The following TUT4 variants were observed in gnomAD, a reference collection of about 807,000 sequenced individuals.
TUT4 encodes terminal uridylyl transferase 4, also known as terminal uridylyltransferase 4.
Under a neutral mutation model 192.2 loss-of-function variants are expected in TUT4, and 36 were observed. That is an observed-to-expected ratio of 0.19 (90% CI 0.14 to 0.25). The LOEUF is 0.25. Among genes scored for constraint, TUT4 ranks in the 10% least tolerant of loss-of-function variants. TUT4 has a pLI of 1.00. For missense variants in TUT4, 1,493 were observed against 1,957.2 expected, an observed-to-expected ratio of 0.76 and a Z score of 4.47; for synonymous variants, 618 against 666.0, an observed-to-expected ratio of 0.93 and a Z score of 1.11.
intron 13 of TUT4, 66 bp downstream of exon 13, chr1:52,474,766 T>C (rs972712862): frequency 1.5e-6 from 2 of 1,348,326 alleles, no homozygotes; most frequent in East Asian, 4.8e-5. Flanking sequence ...ATTTCTAATC[T>C]AAAAAATATA....
intron 15 of TUT4, among the ~76,000 whole-genome samples, chr1:52,465,957 TAC>T (rs979587900): frequency 2.0e-5 from 3 of 152,066 alleles, no homozygotes; most frequent in African/African-American, 4.8e-5. Flanking sequence ...CATTATACAC[TAC>T]AGTCTTGAAC....
At chr1:52,545,873 GC>G (rs1370878128) in intron 1 of TUT4, among the ~76,000 whole-genome samples, 7 of 151,018 alleles carry the variant, frequency 4.6e-5, no homozygotes, top group Non-Finnish European at 1.0e-4. Context: ...TGTAATCCCA[GC>G]AGTTTGGGAG....
intron 1 of TUT4, among the ~76,000 whole-genome samples, chr1:52,541,081 CT>C (rs113652004): frequency 6.6e-6 from 1 of 152,038 alleles, no homozygotes; most frequent in African/African-American, 2.4e-5. Flanking sequence ...TGGTGTACAC[CT>C]GTAATCTCAA....
At position 52,461,816 on chromosome 1, in the gene TUT4, G is replaced by A. The variant is rs1332970683; in HGVS notation, c.3070-47C>T. ...TAAGTTTGACTCAATTTCACCTTGT[G>A]CAAATTCTACTTTAATCTAAGCATT... is the stretch of plus-strand genomic sequence containing the variant. On this transcript the variant is annotated intron_variant, in intron 16 of 29. Transcript: ENST00000257177. The A allele has an allele frequency of 1.5e-5, 17 of 1,100,834 alleles. No individual in the cohort carries two copies. The East Asian group carries it at 4.2e-4, about 27-fold the overall frequency. The allele number at this position is 1,100,834 out of a possible 1,614,324, so 68.2% of individuals were successfully genotyped here.
At chr1:52,457,426 G>C (rs1402006634) in intron 20 of TUT4, among the ~76,000 whole-genome samples, 2 of 151,532 alleles carry the variant, frequency 1.3e-5, no homozygotes, top group Admixed American at 6.6e-5. Context: ...AGTAGAGACG[G>C]GGTTTCACCA....
At chr1:52,482,116 A>G (rs546476085) in intron 9 of TUT4, among the ~76,000 whole-genome samples, 193 bp from the exon 10 acceptor site, 3 of 152,274 alleles carry the variant, frequency 2.0e-5, no homozygotes, top group African/African-American at 4.8e-5. Context: ...ATTCTTTTTA[A>G]AATTCATACA....
chr1:52,521,904 G>A (rs546078695), intron 2 of TUT4, among the ~76,000 whole-genome samples: 1 of 151,802 alleles, frequency 6.6e-6, no homozygotes, highest in East Asian at 1.9e-4. Flanking sequence ...GGTGGAGGTT[G>A]CAGTGAGCCA....
At chr1:52,428,201 T>C (rs1650628557) in intron 28 of TUT4, among the ~76,000 whole-genome samples, 1 of 152,194 alleles carries the variant, frequency 6.6e-6, no homozygotes, top group Non-Finnish European at 1.5e-5. Flanking sequence ...AGGAATACTT[T>C]TTTAGGCTGG....
At chr1:52,506,648 G>A (rs2149273461) in intron 4 of TUT4, among the ~76,000 whole-genome samples, 1 of 152,098 alleles carries the variant, frequency 6.6e-6, no homozygotes, top group South Asian at 2.1e-4. Flanking sequence ...GTTTCTAATA[G>A]TCCTGTTCAT....
chr1:52,474,817 C>T lies in TUT4; in HGVS notation c.2727+15G>A, dbSNP rs761058789. 8.4e-6 allele frequency: 13 copies of T among 1,556,802 alleles called. No individual in the cohort carries two copies. In the East Asian group the frequency reaches 2.7e-4, roughly 32 times the overall value. On this transcript the variant is annotated intron_variant, in intron 13 of 29. Coordinates refer to ENST00000257177, the MANE Select transcript of TUT4 (RefSeq NM_001009881.3). Reference sequence around the variant, plus strand: ...ACCACAAAATCTTACAGATCATTTACAAACTGTATCCTACCTTGCCAGAGG... The same window carrying T: ...ACCACAAAATCTTACAGATCATTTATAAACTGTATCCTACCTTGCCAGAGG...
chr1:52,490,867 T>A, intron 7 of TUT4, 66 bp from the exon 8 acceptor site: 2 of 1,256,602 alleles, frequency 1.6e-6, no homozygotes, highest in Non-Finnish European at 2.2e-6. Context: ...ACAGTAAACA[T>A]TAAGTAACAG....
chr1:52,530,880 G>GT (rs1683194922), intron 1 of TUT4, among the ~76,000 whole-genome samples: 1 of 152,164 alleles, frequency 6.6e-6, no homozygotes, highest in African/African-American at 2.4e-5. Context: ...GTATGCGCCT[G>GT]TAGTTTCAGC....
intron 1 of TUT4, among the ~76,000 whole-genome samples, chr1:52,527,153 G>A (rs924818544): frequency 1.1e-4 from 16 of 152,244 alleles, no homozygotes; most frequent in South Asian, 2.1e-4. Context: ...AGCCTACCTC[G>A]AACTTACCTC....
chr1:52,446,612 A>C lies in TUT4; in HGVS notation c.3491T>G (p.Phe1164Cys). ...QRMVDGWNAF[F>C]FDKTEELKKR... Reference sequence around the variant, plus strand: ...TACCAGTTCTTCTGTTTTATCAAAGAAGAAAGCATTCCATCCATCAACCAT... The same window carrying C: ...TACCAGTTCTTCTGTTTTATCAAAGCAGAAAGCATTCCATCCATCAACCAT... Residue 1164 changes from phenylalanine to cysteine, a missense_variant, in exon 21 of 30, where the codon TTC (phenylalanine) becomes TGC (cysteine). Physicochemically the swap from Phe to Cys is radical, Grantham distance 205. This residue lies in a region of TUT4 where 141 missense variants were observed against 382.7 expected (regional missense o/e 0.37). Coordinates refer to ENST00000257177, the MANE Select transcript of TUT4 (RefSeq NM_001009881.3). The C allele has an allele frequency of 6.2e-7, 1 of 1,607,684 alleles. No individual in the cohort carries two copies. Among genetic ancestry groups the C allele is most frequent in the Non-Finnish European group, 8.5e-7 (1 of 1,178,126 alleles).
intron 27 of TUT4, chr1:52,433,813 G>C (rs762459404): frequency 7.9e-5 from 12 of 152,202 alleles, no homozygotes; most frequent in Admixed American, 2.0e-4. Flanking sequence ...AAGATTAACT[G>C]AACAATGCAT....
In TUT4 at chr1:52,525,694, A is replaced by C. The variant is rs376908001; in HGVS notation, c.587T>G (p.Ile196Ser). Residue 196 changes from isoleucine to serine, a missense_variant, in exon 2 of 30, where the codon ATT (isoleucine) becomes AGT (serine). Transcript: ENST00000257177. ...SSFTSVDKVN[I>S]EAVGGEKCAL... The stretch of plus-strand genomic sequence containing the variant: ...ACATTTTTCTCCCCCTACAGCTTCA[A>C]TATTCACTTTGTCCACAGAAGTAAA... 3.7e-6 allele frequency: 6 copies of C among 1,614,040 alleles called. No homozygotes were observed. In the African/African-American group the frequency reaches 8.0e-5, roughly 22 times the overall value.
chr1:52,445,546 G>A (rs976421837), intron 24 of TUT4, among the ~76,000 whole-genome samples: 15 of 152,158 alleles, frequency 9.9e-5, no homozygotes, highest in South Asian at 4.1e-4. Context: ...TTACAGACAT[G>A]AATCCTGTCT....
At chr1:52,464,616 A>G (rs1400573073) in intron 16 of TUT4, among the ~76,000 whole-genome samples, 1 of 152,196 alleles carries the variant, frequency 6.6e-6, no homozygotes, top group Non-Finnish European at 1.5e-5. Flanking sequence ...GTCAAAAATT[A>G]TAACTAACTT....
intron 28 of TUT4, among the ~76,000 whole-genome samples, chr1:52,429,228 C>T (rs879611535): frequency 4.0e-5 from 6 of 151,302 alleles, no homozygotes; most frequent in South Asian, 2.1e-4. Context: ...GGACTACAGG[C>T]GCCCACCACC....
Sources: allele counts gnomAD v4.1 joint callset (sites outside exome capture counted in the v4.1 genomes callset), GRCh38; gene constraint gnomAD v4.1.1; regional missense constraint gnomAD v4.1.1; transcripts MANE v1.5; gene names NCBI Gene and HGNC (gene_info 2026-07-23, HGNC 2026-07-21).